The following ZNF564 variants were observed in gnomAD, a reference collection of about 807,000 sequenced individuals.
ZNF564 encodes zinc finger protein 564.
In ZNF564, 5 loss-of-function variants were observed where a neutral mutation model predicts 10.5. The ratio of observed to expected loss-of-function variants is 0.48; its 90% CI spans 0.25 to 1.00. ZNF564 has a LOEUF of 1.00. ZNF564 is among the 50% of genes least tolerant of loss of function. The pLI is 0.16. For missense variants in ZNF564, 603 were observed against 669.7 expected (o/e 0.90, Z 1.10); for synonymous variants, 242 against 218.1 (o/e 1.11, Z -0.97).
chr19:12,542,958 T>C (rs2022085353), intron 1 of ZNF564, among the ~76,000 whole-genome samples: 1 of 150,184 alleles, frequency 6.7e-6, no homozygotes, highest in Admixed American at 6.7e-5. Context: ...GCCAAGATCA[T>C]GCCGTTGCAC....
At chr19:12,528,444 T>G in intron 2 of ZNF564, 80 bp from the exon 3 acceptor site, 2 of 1,573,836 alleles carry the variant, frequency 1.3e-6, no homozygotes, top group East Asian at 4.5e-5. Context: ...CATGATAAGG[T>G]GCAAACAACC....
At chr19:12,529,294 A>T (rs2021752970) in intron 1 of ZNF564, among the ~76,000 whole-genome samples, 1 of 151,974 alleles carries the variant, frequency 6.6e-6, no homozygotes, top group South Asian at 2.1e-4. Context: ...GGAGAAACAA[A>T]TAAAATGCTA....
chr19:12,533,897 C>T (rs1437341154), intron 1 of ZNF564, among the ~76,000 whole-genome samples: 1 of 148,686 alleles, frequency 6.7e-6, no homozygotes, highest in East Asian at 2.0e-4. Context: ...AAACAGAAGT[C>T]GGTTATTGGA....
chr19:12,538,293 C>T (rs2145080475), intron 1 of ZNF564, among the ~76,000 whole-genome samples: 1 of 151,904 alleles, frequency 6.6e-6, no homozygotes, highest in South Asian at 2.1e-4. Context: ...AGTTTAAGAC[C>T]AGCCTGGACA....
chr19:12,528,409 C>G (rs1010734790), intron 2 of ZNF564, 45 bp from the exon 3 acceptor site: 1 of 1,577,376 alleles, frequency 6.3e-7, no homozygotes, highest in African/African-American at 1.4e-5. Flanking sequence ...ATAGACATTA[C>G]AGAAAAATGA....
chr19:12,546,828 A>G (rs758137256), intron 1 of ZNF564, among the ~76,000 whole-genome samples: 10 of 152,132 alleles, frequency 6.6e-5, no homozygotes, highest in Admixed American at 3.9e-4. Flanking sequence ...TCAAAACAAA[A>G]TATCTCTAAA....
intron 2 of ZNF564, 102 bp from the exon 3 acceptor site, chr19:12,528,466 AC>A: frequency 1.3e-6 from 2 of 1,577,706 alleles, no homozygotes; most frequent in Non-Finnish European, 1.7e-6. Context: ...TGATTTATTC[AC>A]CCAAGTATTC....
intron 1 of ZNF564, among the ~76,000 whole-genome samples, chr19:12,543,769 C>G (rs1384074628): frequency 2.0e-5 from 3 of 151,828 alleles, no homozygotes; most frequent in African/African-American, 7.2e-5. Flanking sequence ...AATGTTACAG[C>G]CTGAATCTGT....
chr19:12,527,468 T>C lies in ZNF564; in HGVS notation c.640A>G (p.Ile214Val), dbSNP rs751824795. 1 of 1,614,018 alleles carries C rather than the reference T, an allele frequency of 6.2e-7. No homozygotes were observed. The highest frequency in any genetic ancestry group is 1.3e-5 in the African/African-American group (1 of 74,926). ...KAFDRPSLFQIHERTHTGEKP... is the reference protein window; with the variant it reads ...KAFDRPSLFQVHERTHTGEKP... ...TCTCCAGTGTGAGTTCTTTCATGTA[T>C]CTGAAATAAACTTGGGCGATCAAAG... is the stretch of plus-strand genomic sequence containing the variant. The change falls in exon 4 of 4, where the codon ATA (isoleucine) becomes GTA (valine). Residue 214 changes from isoleucine to valine, a missense_variant. Coordinates refer to ENST00000339282, the MANE Select transcript of ZNF564 (RefSeq NM_144976.4).
At chr19:12,528,488 A>ATT in intron 2 of ZNF564, 82 bp downstream of exon 2, 13 of 1,593,230 alleles carry the variant, frequency 8.2e-6, no homozygotes, top group Non-Finnish European at 1.1e-5. Flanking sequence ...CCTTTTCCAC[A>ATT]TTAGACATCA....
intron 1 of ZNF564, among the ~76,000 whole-genome samples, chr19:12,549,462 G>A (rs1285824523): frequency 6.6e-6 from 1 of 152,084 alleles, no homozygotes; most frequent in Non-Finnish European, 1.5e-5. Flanking sequence ...TGCCCCAAGC[G>A]CATTTTAACT....
rs1446917580 is a variant in ZNF564 at position 12,547,889 on chromosome 19, G to A, written c.3+3441C>T. On this transcript the variant is annotated intron_variant, in intron 1 of 3. Transcript: ENST00000339282. ...TGCAGTGGCACGATCTCGGCTCACCGCAACTTCCGCCTGCTGGGTTCAAGC... is the reference window on the plus strand; with the variant it reads ...TGCAGTGGCACGATCTCGGCTCACCACAACTTCCGCCTGCTGGGTTCAAGC... Among the ~76,000 whole-genome samples, 5 of 149,866 alleles carry A rather than the reference G, an allele frequency of 3.3e-5. No individual in the cohort carries two copies. The East Asian group carries it at 9.8e-4, about 29-fold the overall frequency.
chr19:12,540,653 C>CAG (rs1568265553), intron 1 of ZNF564, among the ~76,000 whole-genome samples: 1 of 152,050 alleles, frequency 6.6e-6, no homozygotes, highest in East Asian at 1.9e-4. Context: ...AGGAGATCGC[C>CAG]ACCATCCTGG....
rs924968481 is a variant in ZNF564, at chr19:12,542,201, C to T, written c.3+9129G>A. Among the ~76,000 whole-genome samples, 68 of 142,310 alleles carry T rather than the reference C, an allele frequency of 4.8e-4. 2 individuals are homozygous for T. Among genetic ancestry groups the T allele is most frequent in the Middle Eastern group, 3.8e-3 (1 of 262 alleles). 93.4% of individuals were successfully genotyped at this position (142,310 alleles called of 152,430 possible). A position where few individuals can be genotyped will look rare whatever the true frequency, so the allele number is the denominator to read the frequency against. On this transcript the variant is annotated intron_variant, in intron 1 of 3. Coordinates refer to ENST00000339282, the MANE Select transcript of ZNF564 (RefSeq NM_144976.4). ...GTGGGCGCCTGTAGTCCCAGCTACT[C>T]GGGAGGCTGAGGCACAAGAATTGCT...
In ZNF564 at chr19:12,527,466, T is replaced by C. The variant is rs199661935; in HGVS notation, c.642A>G (p.Ile214Met). The change falls in exon 4 of 4, where the codon ATA (isoleucine) becomes ATG (methionine). Residue 214 changes from isoleucine to methionine, a missense_variant. By Grantham distance (10) the Ile-to-Met change is conservative. Coordinates refer to ENST00000339282, the MANE Select transcript of ZNF564 (RefSeq NM_144976.4). ...TCTCTCCAGTGTGAGTTCTTTCATG[T>C]ATCTGAAATAAACTTGGGCGATCAA... is the stretch of plus-strand genomic sequence containing the variant. ...KAFDRPSLFQ[I>M]HERTHTGEKP... The C allele has an allele frequency of 3.7e-6, 6 of 1,614,032 alleles. No individual in the cohort carries two copies. Among genetic ancestry groups the C allele is most frequent in the Non-Finnish European group, 5.1e-6 (6 of 1,179,992 alleles).
chr19:12,546,460 G>C (rs2022155555), intron 1 of ZNF564, among the ~76,000 whole-genome samples: 1 of 152,210 alleles, frequency 6.6e-6, no homozygotes, highest in East Asian at 1.9e-4. Context: ...TGGGTGCAGT[G>C]GCTCACGCCT....
At chr19:12,548,847 C>T (rs144224887) in intron 1 of ZNF564, 8 of 702,844 alleles carry the variant, frequency 1.1e-5, no homozygotes, top group East Asian at 5.4e-5. Flanking sequence ...TTATCCATTA[C>T]GACAAAATCT....
intron 1 of ZNF564, among the ~76,000 whole-genome samples, chr19:12,543,130 G>A (rs1232056147): frequency 6.6e-6 from 1 of 151,690 alleles, no homozygotes; most frequent in Non-Finnish European, 1.5e-5. Context: ...GTGAAACCTT[G>A]TCTTTGTAAA....
Position 12,526,280 on chromosome 19 carries a change from G to C in ZNF564, c.*166C>G. The C allele has an allele frequency of 1.5e-6, 1 of 689,366 alleles. No individual in the cohort carries two copies. 42.7% of individuals were successfully genotyped at this position (689,366 alleles called of 1,614,324 possible). ...CTCCGAACCGGTGAAAACCAAACTA[G>C]TCATGTATTTCCAAAATATGAGACA... On this transcript the variant is annotated 3_prime_UTR_variant, in exon 4 of 4. Transcript: ENST00000339282.
Sources: allele counts gnomAD v4.1 joint callset (sites outside exome capture counted in the v4.1 genomes callset), GRCh38; gene constraint gnomAD v4.1.1; transcripts MANE v1.5; gene names NCBI Gene and HGNC (gene_info 2026-07-23, HGNC 2026-07-21).